Variants in ARVCF observed in about 807,000 individuals in gnomAD.
The protein encoded by ARVCF is ARVCF delta catenin family member.
ARVCF carries 66 observed loss-of-function variants against 90.9 expected under a neutral mutation model. The observed-to-expected ratio is 0.73, with a 90% CI of 0.60 to 0.89. ARVCF has a LOEUF of 0.89. Among genes scored for constraint, ARVCF ranks in the 40% least tolerant of loss-of-function variants. The pLI is 0.00. For synonymous variants in ARVCF, 653 were observed against 603.4 expected (o/e 1.08, Z -1.21); for missense variants, 1,469 against 1,382.3 (o/e 1.06, Z -1.00).
In ARVCF at chr22:19,969,929, C is replaced by T. The variant is rs1186077045; in HGVS notation, c.*827G>A. 1 of 985,422 alleles carries T rather than the reference C, an allele frequency of 1.0e-6. No individual in the cohort carries two copies. Among genetic ancestry groups the T allele is most frequent in the Non-Finnish European group, 1.2e-6 (1 of 829,932 alleles). The allele number at this position is 985,422 out of a possible 1,614,324, so 61.0% of individuals were successfully genotyped here. ...CTGCTTTAATTTTTAAATTTTCTTA[C>T]AAAAATTTAGGTGTTTACCAATAGT... On this transcript the variant is annotated 3_prime_UTR_variant, in exon 20 of 20. Coordinates refer to ENST00000263207, the MANE Select transcript of ARVCF (RefSeq NM_001670.3).
chr22:19,986,736 A>G (rs1943790692), intron 3 of ARVCF: 1 of 283,256 alleles, frequency 3.5e-6, no homozygotes. Context: ...CCGTGTCCCC[A>G]GGCACCTGTC....
Position 19,979,023 on chromosome 22 carries a change from C to T in ARVCF, c.1454G>A (p.Gly485Asp). ...EPLKMVIIDHGLQTLTHEVIV... is the reference protein window; with the variant it reads ...EPLKMVIIDHDLQTLTHEVIV... ...CACCTCGTGGGTCAGCGTCTGCAGGCCATGGTCAATGATGACCATCTTCAG... is the reference window on the plus strand; with the variant it reads ...CACCTCGTGGGTCAGCGTCTGCAGGTCATGGTCAATGATGACCATCTTCAG... Residue 485 changes from glycine to aspartate, a missense_variant, in exon 7 of 20, where the codon GGC becomes GAC. Transcript: ENST00000263207. 6.2e-7 allele frequency: 1 copy of T among 1,613,416 alleles called. No individual in the cohort carries two copies.
intron 12 of ARVCF, 118 bp downstream of exon 12, chr22:19,973,994 C>G: frequency 2.0e-6 from 3 of 1,511,094 alleles, no homozygotes; most frequent in Non-Finnish European, 2.7e-6. Flanking sequence ...CCTCTTGGAT[C>G]CTGGGGTGGT....
chr22:19,968,538 A>G, downstream of ARVCF: 1 of 1,608,916 alleles, frequency 6.2e-7, no homozygotes, highest in Non-Finnish European at 8.5e-7. Context: ...GTTTGCAGGA[A>G]TGTGGCCTGC....
chr22:20,000,032 T>C (rs1463503241), intron 2 of ARVCF, among the ~76,000 whole-genome samples: 1 of 152,208 alleles, frequency 6.6e-6, no homozygotes. Flanking sequence ...CTGCCAGCCC[T>C]TGGGGACAAC....
At chr22:19,986,945 C>A (rs986719664) in intron 3 of ARVCF, 6 of 567,530 alleles carry the variant, frequency 1.1e-5, no homozygotes, top group Non-Finnish European at 1.9e-5. Context: ...CAGCCAGGGG[C>A]GCAAGACAAT....
At chr22:20,014,636 G>T (rs1944956592) in intron 1 of ARVCF, among the ~76,000 whole-genome samples, 1 of 152,160 alleles carries the variant, frequency 6.6e-6, no homozygotes. Flanking sequence ...CTCCATTCCT[G>T]GCCCTGTCTA....
intron 11 of ARVCF, among the ~76,000 whole-genome samples, chr22:19,975,318 C>T (rs998367107): frequency 1.3e-5 from 2 of 152,224 alleles, no homozygotes; most frequent in Admixed American, 1.3e-4. Context: ...AGCATGCCCG[C>T]CTGGCTCCCA....
Position 19,980,164 on chromosome 22 carries a change from CA to C in ARVCF, c.974del (p.Leu325ArgfsTer50). ...RPAFPMVTAP[L>X]AQPERGSMGS... ...CCATGCTGCCCCGTTCAGGCTGGGC[CA>C]GGGGCGCCGTCACCATTGGGAACGC... is the stretch of plus-strand genomic sequence containing the variant. On this transcript the variant is annotated frameshift_variant, in exon 6 of 20. Coordinates refer to ENST00000263207, the MANE Select transcript of ARVCF (RefSeq NM_001670.3). LOFTEE classifies it high-confidence loss of function. 6.3e-7 allele frequency: 1 copy of C among 1,582,140 alleles called. No homozygotes were observed. Among genetic ancestry groups the C allele is most frequent in the East Asian group, 2.3e-5 (1 of 44,206 alleles).
At chr22:19,979,170 C>T in intron 6 of ARVCF, 90 bp from the exon 7 acceptor site, 1 of 1,369,258 alleles carries the variant, frequency 7.3e-7, no homozygotes, top group South Asian at 1.4e-5. Flanking sequence ...GTCCCACTCT[C>T]CTCATGTCCC....
chr22:19,987,047 T>TC (rs1943813745), intron 3 of ARVCF: 2 of 652,330 alleles, frequency 3.1e-6, no homozygotes, highest in Admixed American at 2.3e-5. Context: ...CGGGCCAGGG[T>TC]CCCCCCAAGC....
At chr22:20,009,110 G>A (rs1032200653) in intron 2 of ARVCF, among the ~76,000 whole-genome samples, 2 of 152,176 alleles carry the variant, frequency 1.3e-5, no homozygotes, top group African/African-American at 4.8e-5. Context: ...GGAGTTAAGG[G>A]CAGTGGGACA....
Position 19,977,453 on chromosome 22 carries a change from C to A in ARVCF, c.1832G>T (p.Arg611Leu). ...GSAVGSQRRR[R>L]DDASCFGGKK... is the part of the protein sequence containing the mutation. ...GCCTCCAAAGCAGCTGGCATCATCCCGCCTCCGGCGCTGGGAGCCTACAGC... is the reference window on the plus strand; with the variant it reads ...GCCTCCAAAGCAGCTGGCATCATCCAGCCTCCGGCGCTGGGAGCCTACAGC... The change falls in exon 9 of 20, where the codon CGG becomes CTG. Residue 611 changes from arginine (R) to leucine (L), a missense_variant. Transcript: ENST00000263207. 1 of 1,558,568 alleles carries A rather than the reference C, an allele frequency of 6.4e-7. No homozygotes were observed. The highest frequency in any genetic ancestry group is 8.7e-7 in the Non-Finnish European group (1 of 1,152,606).
rs1439688382 is a variant in ARVCF at position 19,971,167 on chromosome 22, G to A, written c.*12+49C>T. On this transcript the variant is annotated intron_variant, in intron 19 of 19. Transcript: ENST00000263207. ...CAGCGGAGACTAACAAGAAGCCCTGGCCCAGAGGGCAGGAACAGGTGGACG... is the reference window on the plus strand; with the variant it reads ...CAGCGGAGACTAACAAGAAGCCCTGACCCAGAGGGCAGGAACAGGTGGACG... 7.1e-6 allele frequency: 11 copies of A among 1,550,746 alleles called. No homozygotes were observed. In the East Asian group the frequency reaches 2.4e-4, roughly 34 times the overall value.
At chr22:19,975,629 G>T in intron 11 of ARVCF, 57 bp downstream of exon 11, 1 of 1,597,260 alleles carries the variant, frequency 6.3e-7, no homozygotes, top group Admixed American at 1.7e-5. Flanking sequence ...TCACTACCAG[G>T]GCAATCCTGA....
chr22:19,966,745 T>A (rs1942419401), downstream of ARVCF, among the ~76,000 whole-genome samples: 1 of 150,420 alleles, frequency 6.6e-6, no homozygotes, highest in African/African-American at 2.5e-5. Flanking sequence ...AGGCTCCAAC[T>A]TTTTGTTGTT....
In ARVCF at chr22:19,971,355, A is replaced by G; in HGVS notation, c.2782-20T>C. 7 of 1,547,124 alleles carry G rather than the reference A, an allele frequency of 4.5e-6. No individual in the cohort carries two copies. Among genetic ancestry groups the G allele is most frequent in the Non-Finnish European group, 6.1e-6 (7 of 1,146,602 alleles). On this transcript the variant is annotated intron_variant, in intron 18 of 19. Transcript: ENST00000263207. Reference sequence around the variant, plus strand: ...GTCGAGCTGCAGCGCACGGGTGGGCATTAGAGGCACAATAGAGCAGGTTAG... The same window carrying G: ...GTCGAGCTGCAGCGCACGGGTGGGCGTTAGAGGCACAATAGAGCAGGTTAG...
chr22:19,979,911 C>G lies in ARVCF; in HGVS notation c.1228G>C (p.Asp410His). 6.3e-7 allele frequency: 1 copy of G among 1,599,408 alleles called. No individual in the cohort carries two copies. Among genetic ancestry groups the G allele is most frequent in the South Asian group, 1.1e-5 (1 of 89,314 alleles). The change falls in exon 6 of 20, where the codon GAC (aspartate) becomes CAC (histidine). Residue 410 changes from aspartate to histidine, a missense_variant. Transcript: ENST00000263207. ...RGLPLLVALL[D>H]HPRAEVRRRA... ...CGCCGCACCTCAGCCCGCGGGTGGT[C>G]CAGCAGTGCCACAAGCAGCGGCAGC...
At chr22:20,003,669 C>A (rs1400710744) in intron 2 of ARVCF, among the ~76,000 whole-genome samples, 1 of 152,070 alleles carries the variant, frequency 6.6e-6, no homozygotes, top group Non-Finnish European at 1.5e-5. Context: ...TAACAAAATT[C>A]AATAGTCTGT....
Sources: allele counts gnomAD v4.1 joint callset (sites outside exome capture counted in the v4.1 genomes callset), GRCh38; gene constraint gnomAD v4.1.1; transcripts MANE v1.5; gene names NCBI Gene and HGNC (gene_info 2026-07-23, HGNC 2026-07-21).